VDAC3: variants seen among roughly 807,000 people sequenced by gnomAD.
The protein encoded by VDAC3 is non-selective voltage-gated ion channel VDAC3.
Under a neutral mutation model 33.9 loss-of-function variants are expected in VDAC3, and 7 were observed. The ratio of observed to expected loss-of-function variants is 0.21; its 90% confidence interval spans 0.12 to 0.39. VDAC3 has a LOEUF of 0.39. VDAC3 is among the 10% of genes least tolerant of loss of function. The probability of loss-of-function intolerance (pLI) is 1.00; values close to 1 mark genes in which losing one functional copy is unlikely to be tolerated. For missense variants in VDAC3, 261 were observed against 334.5 expected, an observed-to-expected ratio of 0.78 and a Z score of 1.71; for synonymous variants, 100 against 122.4, an observed-to-expected ratio of 0.82 and a Z score of 1.21.
At chr8:42,392,898 A>G (rs73675057) in intron 1 of VDAC3, among the ~76,000 whole-genome samples, 10 of 152,368 alleles carry the variant, frequency 6.6e-5, no homozygotes, top group African/African-American at 2.2e-4. Context: ...CATAAAGAGT[A>G]ATATCAAATT....
intron 3 of VDAC3, among the ~76,000 whole-genome samples, chr8:42,394,723 T>C (rs1802274936): frequency 6.6e-6 from 1 of 152,234 alleles, no homozygotes; most frequent in Admixed American, 6.5e-5. Context: ...CTTAAATTTA[T>C]GTGCTGTACA....
At chr8:42,396,233 G>T (rs1269635801) in intron 4 of VDAC3, among the ~76,000 whole-genome samples, 1 of 152,164 alleles carries the variant, frequency 6.6e-6, no homozygotes, top group African/African-American at 2.4e-5. Flanking sequence ...ACTCCATCCA[G>T]CCTGGGCAAC....
In VDAC3 at chr8:42,392,101, C is replaced by T. The variant is rs531449350; in HGVS notation, c.-43+173C>T. ...CCGCCGGGACCCGCCCGGGCCACCT[C>T]AGGCGATGGAGCCGCAGCACGGCGG... On this transcript the variant is annotated intron_variant, in intron 1 of 9. Transcript: ENST00000022615. Among the ~76,000 whole-genome samples the T allele has an allele frequency of 5.0e-3, 768 of 152,242 alleles. 7 individuals are homozygous for T. The highest frequency in any genetic ancestry group is 0.018 in the African/African-American group (730 of 41,562).
Position 42,394,227 on chromosome 8 carries a change from A to C in VDAC3, c.16A>C (p.Thr6Pro). 1 of 1,613,842 alleles carries C rather than the reference A, an allele frequency of 6.2e-7. No individual in the cohort carries two copies. Among genetic ancestry groups the C allele is most frequent in the Non-Finnish European group, 8.5e-7 (1 of 1,179,824 alleles). MCNTP[T>P]YCDLGKAAKD... ...TTTATAAGATATGTGTAACACACCA[A>C]CGTACTGTGACCTAGGAAAGGCTGC... is the stretch of plus-strand genomic sequence containing the variant. Residue 6 changes from threonine to proline, a missense_variant, in exon 3 of 10, where the codon ACG becomes CCG. By Grantham distance (38) the Thr-to-Pro change is conservative (BLOSUM62 -1). Coordinates refer to ENST00000022615, the MANE Select transcript of VDAC3 (RefSeq NM_005662.7).
chr8:42,402,557 T>C (rs1802433996), intron 7 of VDAC3, among the ~76,000 whole-genome samples: 1 of 152,210 alleles, frequency 6.6e-6, no homozygotes, highest in Non-Finnish European at 1.5e-5. Flanking sequence ...TGCACCATGT[T>C]GGTGGGATGA....
Position 42,405,621 on chromosome 8 carries a change from A to G in VDAC3, c.*159A>G. On this transcript the variant is annotated 3_prime_UTR_variant, in exon 10 of 10. Transcript: ENST00000022615. Reference sequence around the variant, plus strand: ...CCCACACTGAAGTCTAGGGGTTGCGAATCCCTCCTGAGGGAGATGCTTGAA... The same window carrying G: ...CCCACACTGAAGTCTAGGGGTTGCGGATCCCTCCTGAGGGAGATGCTTGAA... 1.6e-6 allele frequency: 1 copy of G among 615,436 alleles called. No homozygotes were observed. The highest frequency in any genetic ancestry group is 2.8e-6 in the Non-Finnish European group (1 of 352,312). The allele number at this position is 615,436 out of a possible 1,614,324, so 38.1% of individuals were successfully genotyped here.
chr8:42,400,776 C>T (rs1802403563), intron 6 of VDAC3, among the ~76,000 whole-genome samples: 1 of 147,508 alleles, frequency 6.8e-6, no homozygotes, highest in African/African-American at 2.6e-5. Context: ...AGCAATTCTC[C>T]TGCCTCAGCC....
intron 3 of VDAC3, 126 bp from the exon 4 acceptor site, chr8:42,394,958 C>G: frequency 9.7e-7 from 1 of 1,030,276 alleles, no homozygotes; most frequent in Admixed American, 2.3e-5. Context: ...AACTCTCACC[C>G]AATGAAAATA....
chr8:42,401,982 A>G lies in VDAC3; in HGVS notation c.518A>G (p.Tyr173Cys). ...TCACAGAATAATTTCGCCCTGGGTT[A>G]CAAGGCTGCGGACTTCCAGCTGCAC... ...KLSQNNFALG[Y>C]KAADFQLHTH... Residue 173 changes from tyrosine (Y) to cysteine (C), a missense_variant, in exon 7 of 10, where the codon TAC becomes TGC. Physicochemically the swap from Tyr to Cys is radical, Grantham distance 194. Transcript: ENST00000022615. 2 of 1,614,234 alleles carry G rather than the reference A, an allele frequency of 1.2e-6. No homozygotes were observed. The highest frequency in any genetic ancestry group is 1.7e-6 in the Non-Finnish European group (2 of 1,180,036).
Position 42,401,831 on chromosome 8 carries a change from T to C in VDAC3, c.367T>C (p.Phe123Leu). Residue 123 changes from phenylalanine (F) to leucine (L), a missense_variant, in exon 7 of 10, where the codon TTT becomes CTT. Transcript: ENST00000022615. The stretch of plus-strand genomic sequence containing the variant: ...GAAGGCCTCCTATAAACGGGATTGT[T>C]TTAGTGTTGGCAGTAATGTTGATAT... ...KLKASYKRDC[F>L]SVGSNVDIDF... 1 of 1,614,184 alleles carries C rather than the reference T, an allele frequency of 6.2e-7. No individual in the cohort carries two copies. Among genetic ancestry groups the C allele is most frequent in the Non-Finnish European group, 8.5e-7 (1 of 1,180,022 alleles).
chr8:42,405,640 G>A lies in VDAC3; in HGVS notation c.*178G>A. 1.8e-6 allele frequency: 1 copy of A among 556,396 alleles called. No individual in the cohort carries two copies. Among genetic ancestry groups the A allele is most frequent in the Admixed American group, 3.3e-5 (1 of 30,534 alleles). The allele number at this position is 556,396 out of a possible 1,614,324, so 34.5% of individuals were successfully genotyped here. On this transcript the variant is annotated 3_prime_UTR_variant, in exon 10 of 10. Coordinates refer to ENST00000022615, the MANE Select transcript of VDAC3 (RefSeq NM_005662.7). ...GTTGCGAATCCCTCCTGAGGGAGAT[G>A]CTTGAAGGCATGCCTGGAAGTTGTC...
At chr8:42,401,252 A>G (rs991880540) in intron 6 of VDAC3, among the ~76,000 whole-genome samples, 1 of 151,988 alleles carries the variant, frequency 6.6e-6, no homozygotes, top group Non-Finnish European at 1.5e-5. Flanking sequence ...GCTGGAGTAC[A>G]GTGGCATGAT....
In VDAC3 at chr8:42,402,011, CAT is replaced by C. The variant is rs1238133297; in HGVS notation, c.548_549del (p.His183ArgfsTer6). The C allele has an allele frequency of 2.5e-6, 4 of 1,614,098 alleles. No homozygotes were observed. The highest frequency in any genetic ancestry group is 1.7e-5 in the Admixed American group (1 of 60,006). On this transcript the variant is annotated frameshift_variant and splice_region_variant, in exon 7 of 10. Coordinates refer to ENST00000022615, the MANE Select transcript of VDAC3 (RefSeq NM_005662.7). LOFTEE classifies it high-confidence loss of function. ...GGCTGCGGACTTCCAGCTGCACACA[CAT>C]GTGTGAGTGTTTATAATTTATTCCT... ...YKAADFQLHT[H>X]VNDGTEFGGS... is the part of the protein sequence containing the mutation.
At chr8:42,398,205 G>A (rs1426530249) in intron 4 of VDAC3, among the ~76,000 whole-genome samples, 2 of 152,128 alleles carry the variant, frequency 1.3e-5, no homozygotes, top group Non-Finnish European at 2.9e-5. Context: ...ATTACCATTT[G>A]GTAAGAGAGT....
chr8:42,398,325 G>A (rs1253941531), intron 4 of VDAC3, among the ~76,000 whole-genome samples: 9 of 152,106 alleles, frequency 5.9e-5, no homozygotes, highest in South Asian at 4.1e-4. Flanking sequence ...GCATGATCTC[G>A]GCTCACTGCA....
chr8:42,398,907 T>G, intron 5 of VDAC3, 43 bp downstream of exon 5: 1 of 1,597,962 alleles, frequency 6.3e-7, no homozygotes, highest in South Asian at 1.1e-5. Context: ...TCAATTTATC[T>G]TGTAGATTGA....
chr8:42,403,178 A>G (rs1802446986), intron 7 of VDAC3, 133 bp from the exon 8 acceptor site: 1 of 993,906 alleles, frequency 1.0e-6, no homozygotes, highest in East Asian at 2.6e-5. Context: ...GTAGTCATTT[A>G]TGCTAGAAAT....
Position 42,391,892 on chromosome 8 carries a change from T to A in VDAC3, c.-79T>A, listed in dbSNP as rs1824871045. ...GCGTTGGTTTGAAGACCTTCAGCGT[T>A]GCCCTGGCGGAGCAGAGACAGGCCC... is the stretch of plus-strand genomic sequence containing the variant. On this transcript the variant is annotated 5_prime_UTR_variant, in exon 1 of 10. Transcript: ENST00000022615. 6.6e-6 allele frequency: 1 copy of A among 152,332 alleles called. No homozygotes were observed. The highest frequency in any genetic ancestry group is 2.1e-4 in the South Asian group (1 of 4,846). 9.4% of individuals were successfully genotyped at this position (152,332 alleles called of 1,614,324 possible). A position where few individuals can be genotyped will look rare whatever the true frequency, so the allele number is the denominator to read the frequency against.
chr8:42,394,131 G>A, intron 2 of VDAC3, 79 bp from the exon 3 acceptor site: 8 of 1,306,254 alleles, frequency 6.1e-6, no homozygotes, highest in South Asian at 5.9e-5. Context: ...CTTCTCACAG[G>A]ATTAAACAGC....
Sources: gnomAD v4.1 joint callset for allele counts (sites outside exome capture counted in the v4.1 genomes callset) on GRCh38, gnomAD v4.1.1 for gene constraint, MANE v1.5 for transcripts, NCBI Gene and HGNC (gene_info 2026-07-23, HGNC 2026-07-21) for gene names.